Variants in SPOCK3 observed in about 807,000 individuals in gnomAD.
SPOCK3 encodes SPARC (osteonectin), cwcv and kazal like domains proteoglycan 3, also known as testican-3.
A neutral mutation model predicts 56.6 loss-of-function variants in SPOCK3; 30 were observed. The ratio of observed to expected loss-of-function variants is 0.53; its 90% CI spans 0.40 to 0.72. The LOEUF is 0.72. Ranked by LOEUF, SPOCK3 falls within the 30% of genes least tolerant of loss-of-function variation. SPOCK3 has a pLI of 0.00. For synonymous variants in SPOCK3, 196 were observed against 183.3 expected (o/e 1.07, Z -0.56); for missense variants, 527 against 530.0 (o/e 0.99, Z 0.06).
intron 2 of SPOCK3, among the ~76,000 whole-genome samples, chr4:167,174,879 T>C (rs2150476344): frequency 6.6e-6 from 1 of 151,658 alleles, no homozygotes; most frequent in Non-Finnish European, 1.5e-5. Context: ...AAACTAATCT[T>C]TTTTTTTTCT....
chr4:166,824,565 G>A (rs938838294), intron 6 of SPOCK3, among the ~76,000 whole-genome samples: 1 of 152,046 alleles, frequency 6.6e-6, no homozygotes, highest in African/African-American at 2.4e-5. Context: ...GGTTTCTTTG[G>A]TTAACACACA....
rs545013023 is a variant in SPOCK3 at position 167,170,716 on chromosome 4, T to C, written c.189+63269A>G. On this transcript the variant is annotated intron_variant, in intron 2 of 10. Coordinates refer to ENST00000357545, the MANE Select transcript of SPOCK3 (RefSeq NM_001040159.2). ...TCTATCAAGTTTTTAAGTTTACCTT[T>C]TCTTAAGAAAACTTGATAAAGAAAA... Among the ~76,000 whole-genome samples the C allele has an allele frequency of 2.0e-5, 3 of 152,296 alleles. No individual in the cohort carries two copies. In the East Asian group the frequency reaches 5.8e-4, roughly 29 times the overall value.
At position 166,823,575 on chromosome 4, in the gene SPOCK3, G is replaced by A. The variant is rs539877540; in HGVS notation, c.590-31286C>T. ...ACAATAAACACGATTTAAGGGTCAG[G>A]GAACACTGGCAGCAGCACTGTGATC... On this transcript the variant is annotated intron_variant, in intron 6 of 10. Coordinates refer to ENST00000357545, the MANE Select transcript of SPOCK3 (RefSeq NM_001040159.2). Among the ~76,000 whole-genome samples the A allele has an allele frequency of 9.2e-5, 14 of 152,098 alleles. No individual in the cohort carries two copies. The South Asian group carries it at 2.5e-3, about 27-fold the overall frequency.
At chr4:166,740,451 C>A (rs1430152459) in intron 9 of SPOCK3, among the ~76,000 whole-genome samples, 1 of 150,594 alleles carries the variant, frequency 6.6e-6, no homozygotes, top group Non-Finnish European at 1.5e-5. Flanking sequence ...CTTTATGGTA[C>A]ATGGCTAAAC....
intron 2 of SPOCK3, among the ~76,000 whole-genome samples, chr4:167,199,645 A>C (rs1454549857): frequency 6.6e-6 from 1 of 150,966 alleles, no homozygotes; most frequent in African/African-American, 2.4e-5. Context: ...TCTTCCATTC[A>C]AATCTGAAAG....
In SPOCK3 at chr4:166,916,646, CA is replaced by C. The variant is rs546535867; in HGVS notation, c.351-3904del. Among the ~76,000 whole-genome samples the C allele has an allele frequency of 3.3e-5, 5 of 150,474 alleles. No individual in the cohort carries two copies. In the East Asian group the frequency reaches 7.7e-4, roughly 23 times the overall value. On this transcript the variant is annotated intron_variant, in intron 4 of 10. Coordinates refer to ENST00000357545, the MANE Select transcript of SPOCK3 (RefSeq NM_001040159.2). ...TAAATGATGTTACCAAAATGGTTAG[CA>C]AAAAAACAAAAACCACAAAAAACCC...
At chr4:166,954,116 G>A (rs2150043690) in intron 4 of SPOCK3, among the ~76,000 whole-genome samples, 1 of 152,074 alleles carries the variant, frequency 6.6e-6, no homozygotes, top group African/African-American at 2.4e-5. Flanking sequence ...CAAGTATATT[G>A]CCCATTTTTA....
At chr4:167,166,981 T>C (rs1730022731) in intron 2 of SPOCK3, among the ~76,000 whole-genome samples, 1 of 152,134 alleles carries the variant, frequency 6.6e-6, no homozygotes, top group Non-Finnish European at 1.5e-5. Flanking sequence ...ATTAACTTTC[T>C]GTATATTTCT....
chr4:167,227,730 T>A (rs965778878), intron 2 of SPOCK3, among the ~76,000 whole-genome samples: 1 of 152,080 alleles, frequency 6.6e-6, no homozygotes, highest in African/African-American at 2.4e-5. Context: ...TAAAAATAAG[T>A]ACATAAAATG....
rs111861974 is a variant in SPOCK3, at chr4:167,113,975, T to C, written c.190-51438A>G. On this transcript the variant is annotated intron_variant, in intron 2 of 10. Coordinates refer to ENST00000357545, the MANE Select transcript of SPOCK3 (RefSeq NM_001040159.2). ...TGAGGCACAGAGCAGAGAAGAAATA[T>C]GCAGAGAACAAAGTTGAAACAGCCA... 2.0e-3 allele frequency among the ~76,000 whole-genome samples: 299 copies of C among 152,104 alleles called. 2 individuals carry two copies. Among genetic ancestry groups the C allele is most frequent in the African/African-American group, 6.9e-3 (286 of 41,486 alleles).
chr4:167,034,244 G>A (rs1351025318), intron 3 of SPOCK3, among the ~76,000 whole-genome samples: 1 of 151,178 alleles, frequency 6.6e-6, no homozygotes, highest in Non-Finnish European at 1.5e-5. Context: ...ATTTTTTCTT[G>A]TGCAAAAAAG....
intron 2 of SPOCK3, chr4:167,119,802 G>T: frequency 2.6e-6 from 4 of 1,533,638 alleles, no homozygotes; most frequent in Non-Finnish European, 3.5e-6. Context: ...ACCTGACTGA[G>T]CCCAGAAGAC....
intron 6 of SPOCK3, among the ~76,000 whole-genome samples, chr4:166,877,480 A>G (rs904691231): frequency 6.6e-6 from 1 of 152,220 alleles, no homozygotes; most frequent in African/African-American, 2.4e-5. Context: ...CTAAATACAA[A>G]TAAATATAAA....
At chr4:166,794,055 G>T (rs1363491927) in intron 6 of SPOCK3, among the ~76,000 whole-genome samples, 1 of 151,890 alleles carries the variant, frequency 6.6e-6, no homozygotes, top group East Asian at 1.9e-4. Flanking sequence ...GAGCAAGATG[G>T]CAGTAAGATT....
chr4:167,026,823 T>G (rs1358568198), intron 3 of SPOCK3, among the ~76,000 whole-genome samples: 3 of 147,264 alleles, frequency 2.0e-5, no homozygotes, highest in African/African-American at 4.9e-5. Context: ...ATTTGAAGTT[T>G]TTTTTTTTTT....
At chr4:166,835,225 C>A (rs149618443) in intron 6 of SPOCK3, among the ~76,000 whole-genome samples, 1 of 152,088 alleles carries the variant, frequency 6.6e-6, no homozygotes, top group Non-Finnish European at 1.5e-5. Flanking sequence ...ATTATCATTG[C>A]TGAGATTATT....
chr4:167,020,390 T>C (rs1304898563), intron 3 of SPOCK3, among the ~76,000 whole-genome samples: 1 of 152,080 alleles, frequency 6.6e-6, no homozygotes, highest in Admixed American at 6.6e-5. Flanking sequence ...ATAGATTGAA[T>C]GCATGCCCTT....
intron 4 of SPOCK3, among the ~76,000 whole-genome samples, chr4:166,970,804 C>A (rs1300782035): frequency 6.6e-6 from 1 of 151,666 alleles, no homozygotes; most frequent in Non-Finnish European, 1.5e-5. Flanking sequence ...AATTACAAAA[C>A]CCCAACCCCA....
At chr4:166,930,179 C>CTT (rs1739579885) in intron 4 of SPOCK3, among the ~76,000 whole-genome samples, 1 of 151,688 alleles carries the variant, frequency 6.6e-6, no homozygotes, top group South Asian at 2.1e-4. Context: ...CATAACTAAT[C>CTT]TTTGTAAAAA....
Sources: gnomAD v4.1 joint callset for allele counts (sites outside exome capture counted in the v4.1 genomes callset) on GRCh38, gnomAD v4.1.1 for gene constraint, MANE v1.5 for transcripts, NCBI Gene and HGNC (gene_info 2026-07-23, HGNC 2026-07-21) for gene names.